UGT1A6: variants seen among roughly 807,000 people sequenced by gnomAD.
The protein encoded by UGT1A6 is UDP glucuronosyltransferase family 1 member A6.
A neutral mutation model predicts 44.4 loss-of-function variants in UGT1A6; 32 were observed. That is an observed-to-expected ratio of 0.72 (90% confidence interval 0.54 to 0.97). The LOEUF (loss-of-function observed/expected upper bound fraction) is 0.97, where lower values mean the gene tolerates loss of function less well. Among genes scored for constraint, UGT1A6 ranks in the 50% least tolerant of loss-of-function variants. UGT1A6 has a pLI of 0.00. For synonymous variants in UGT1A6, 238 were observed against 248.5 expected (o/e 0.96, Z 0.40); for missense variants, 685 against 661.9 (o/e 1.03, Z -0.38).
intron 1 of UGT1A6, among the ~76,000 whole-genome samples, chr2:233,696,605 C>CCTTT (rs57635371): frequency 7.9e-5 from 12 of 151,622 alleles, no homozygotes; most frequent in African/African-American, 2.7e-4. Flanking sequence ...ACTTGGATGC[C>CCTTT]CTTTCTTTCT....
intron 4 of UGT1A6, among the ~76,000 whole-genome samples, chr2:233,768,946 C>T (rs1699761608): frequency 6.6e-6 from 1 of 152,058 alleles, no homozygotes. Context: ...TCTTTAGTTT[C>T]TATATAATTT....
At chr2:233,757,561 T>TATATATATA (rs71058576) in intron 1 of UGT1A6, among the ~76,000 whole-genome samples, 1 of 121,178 alleles carries the variant, frequency 8.3e-6, no homozygotes, top group Non-Finnish European at 1.7e-5. Context: ...TATATATATA[T>TATATATATA]GTATATATGA....
chr2:233,752,847 A>C (rs1252913320), intron 1 of UGT1A6, among the ~76,000 whole-genome samples: 1 of 152,248 alleles, frequency 6.6e-6, no homozygotes, highest in East Asian at 1.9e-4. Context: ...GATATATCAA[A>C]ATTTGAACTT....
intron 1 of UGT1A6, chr2:233,713,496 G>A: frequency 3.1e-6 from 5 of 1,613,972 alleles, no homozygotes; most frequent in South Asian, 1.1e-5. Context: ...GTCGATTCCT[G>A]CTGTGTTTTT....
chr2:233,762,622 T>A (rs772893097), intron 1 of UGT1A6, among the ~76,000 whole-genome samples: 3 of 152,196 alleles, frequency 2.0e-5, no homozygotes, highest in Non-Finnish European at 4.4e-5. Context: ...TGTTGTGACC[T>A]CAAACACTTC....
Position 233,693,070 on chromosome 2 carries a change from C to A in UGT1A6, c.66C>A (p.Gly22=), listed in dbSNP as rs1288884840. 1.9e-6 allele frequency: 3 copies of A among 1,614,008 alleles called. No homozygotes were observed. The highest frequency in any genetic ancestry group is 2.5e-6 in the Non-Finnish European group (3 of 1,180,032). The change falls in exon 1 of 5, where the codon GGC becomes GGA. Residue 22 remains glycine (G), a synonymous_variant. Transcript: ENST00000305139. ...GGGTTTTCTTCTTAGCACTTTGGGG[C>A]ATGGTTGTAGGTGACAAGCTGCTGG... ...SAGVFFLALW[G]MVVGDKLLVV...
chr2:233,710,061 T>A (rs1192849340), intron 1 of UGT1A6, among the ~76,000 whole-genome samples: 1 of 152,254 alleles, frequency 6.6e-6, no homozygotes. Context: ...CTCGGCATAA[T>A]GTCTCTTCAG....
chr2:233,699,030 G>A (rs1575464751), intron 1 of UGT1A6, among the ~76,000 whole-genome samples: 2 of 152,336 alleles, frequency 1.3e-5, no homozygotes, highest in South Asian at 4.1e-4. Flanking sequence ...CCACCAGGCA[G>A]TCCCAGATGT....
intron 1 of UGT1A6, among the ~76,000 whole-genome samples, chr2:233,736,830 T>C (rs917006233): frequency 6.6e-6 from 1 of 152,234 alleles, no homozygotes; most frequent in African/African-American, 2.4e-5. Flanking sequence ...TGCTCTTTGC[T>C]TTGGTATCAC....
intron 1 of UGT1A6, among the ~76,000 whole-genome samples, chr2:233,744,256 G>A (rs1276151413): frequency 2.0e-5 from 3 of 151,770 alleles, no homozygotes; most frequent in Admixed American, 1.3e-4. Context: ...CTGAAGAACT[G>A]TTTTTCTTAA....
intron 1 of UGT1A6, among the ~76,000 whole-genome samples, chr2:233,714,272 G>A (rs1053935248): frequency 6.6e-6 from 1 of 152,146 alleles, no homozygotes; most frequent in Non-Finnish European, 1.5e-5. Context: ...AATTGTTGAC[G>A]TGACAATTTT....
At chr2:233,740,774 A>AAAG (rs1357611508) in intron 1 of UGT1A6, 1 of 151,862 alleles carries the variant, frequency 6.6e-6, no homozygotes, top group African/African-American at 2.4e-5. Flanking sequence ...CCGTTGTATA[A>AAAG]AAGATGAATA....
chr2:233,756,190 G>A (rs1012891343), intron 1 of UGT1A6: 15 of 152,208 alleles, frequency 9.9e-5, no homozygotes, highest in African/African-American at 3.4e-4. Flanking sequence ...CGCTAGTCTA[G>A]CAGAGTAGTC....
In UGT1A6 at chr2:233,769,436, T is replaced by TGTGGGTGCACACGTGTGCATTCATATGC; in HGVS notation, c.1301+1001_1301+1028dup. The TGTGGGTGCACACGTGTGCATTCATATGC allele has an allele frequency of 6.4e-7, 1 of 1,552,200 alleles. No individual in the cohort carries two copies. The highest frequency in any genetic ancestry group is 2.3e-5 in the East Asian group (1 of 44,346). ...GTTTGTGCATGTGGCTGTGCTCATG[T>TGTGGGTGCACACGTGTGCATTCATATGC]GTGGGTGCACACGTGTGCATTCATA... is the stretch of plus-strand genomic sequence containing the variant. On this transcript the variant is annotated intron_variant, in intron 4 of 4. Coordinates refer to ENST00000305139, the MANE Select transcript of UGT1A6 (RefSeq NM_001072.4). The surrounding 1 kb of genome is among the most constrained non-coding windows in gnomAD (Gnocchi z 4.4).
intron 1 of UGT1A6, chr2:233,743,378 C>T: frequency 3.4e-6 from 4 of 1,169,960 alleles, no homozygotes; most frequent in South Asian, 1.3e-5. Context: ...CCATCACTAC[C>T]GTAGGACATG....
At chr2:233,714,796 T>C (rs2076413127) in intron 1 of UGT1A6, among the ~76,000 whole-genome samples, 1 of 152,264 alleles carries the variant, frequency 6.6e-6, no homozygotes, top group South Asian at 2.1e-4. Context: ...TTTCAAGTGC[T>C]CAATATTCAT....
intron 1 of UGT1A6, among the ~76,000 whole-genome samples, chr2:233,724,360 G>T (rs1455285943): frequency 2.7e-5 from 4 of 146,576 alleles, no homozygotes; most frequent in Non-Finnish European, 4.5e-5. Context: ...CCTCCCTCCC[G>T]GACGGGGTGG....
At chr2:233,755,174 G>A (rs868590389) in intron 1 of UGT1A6, 74 of 1,248,738 alleles carry the variant, frequency 5.9e-5, no homozygotes, top group Non-Finnish European at 7.6e-5. Flanking sequence ...GGTTTTTGTC[G>A]GGGTGCCACT....
chr2:233,719,403 C>T, intron 1 of UGT1A6: 1 of 1,613,982 alleles, frequency 6.2e-7, no homozygotes, highest in African/African-American at 1.3e-5. Flanking sequence ...CTCCTATATT[C>T]CTAAGTTACT....
Sources: gnomAD v4.1 joint callset for allele counts (sites outside exome capture counted in the v4.1 genomes callset) on GRCh38, gnomAD v4.1.1 for gene constraint, Gnocchi (gnomAD v3.1) non-coding constraint, MANE v1.5 for transcripts, NCBI Gene and HGNC (gene_info 2026-07-23, HGNC 2026-07-21) for gene names.